Variants in ANKRD55 observed in about 807,000 individuals in gnomAD.
The protein encoded by ANKRD55 is ankyrin repeat domain-containing protein 55.
In ANKRD55, 41 loss-of-function variants were observed where a neutral mutation model predicts 60.6. The ratio of observed to expected loss-of-function variants is 0.68; its 90% CI spans 0.53 to 0.88. The LOEUF (loss-of-function observed/expected upper bound fraction) is 0.88. ANKRD55 is among the 40% of genes least tolerant of loss of function. The pLI, the probability that ANKRD55 is intolerant of heterozygous loss-of-function variation, is 0.00. For synonymous variants in ANKRD55, 264 were observed against 290.3 expected (o/e 0.91, Z 0.92); for missense variants, 732 against 767.6 (o/e 0.95, Z 0.55).
At chr5:56,188,238 G>A (rs1352150671) in intron 2 of ANKRD55, among the ~76,000 whole-genome samples, 1 of 152,036 alleles carries the variant, frequency 6.6e-6, no homozygotes, top group Non-Finnish European at 1.5e-5. Flanking sequence ...TGGGGTTGTC[G>A]AGAACAATAC....
intron 7 of ANKRD55, among the ~76,000 whole-genome samples, chr5:56,139,745 A>G (rs898530946): frequency 3.3e-5 from 5 of 152,182 alleles, no homozygotes; most frequent in African/African-American, 1.2e-4. Flanking sequence ...ATGTTAGTAC[A>G]TGTCTTTGTG....
Position 56,116,713 on chromosome 5 carries a change from C to T in ANKRD55, c.867G>A (p.Met289Ile). 1 of 1,614,038 alleles carries T rather than the reference C, an allele frequency of 6.2e-7. No homozygotes were observed. The change falls in exon 9 of 12, where the codon ATG (methionine) becomes ATA (isoleucine). Residue 289 changes from methionine to isoleucine, a missense_variant. Physicochemically the swap from Met to Ile is conservative, Grantham distance 10. Coordinates refer to ENST00000341048, the MANE Select transcript of ANKRD55 (RefSeq NM_024669.3). ...ECVQSLLELG[M>I]DSNLRDINES... ...CATTGATGTCCCGCAGGTTGCTGTCCATTCCCAACTCCAGCAGTGACTGGA... is the reference window on the plus strand; with the variant it reads ...CATTGATGTCCCGCAGGTTGCTGTCTATTCCCAACTCCAGCAGTGACTGGA...
intron 3 of ANKRD55, among the ~76,000 whole-genome samples, chr5:56,181,467 G>C (rs78275841): frequency 0.031 from 4,784 of 152,130 alleles, 269 homozygotes; most frequent in African/African-American, 0.11. Flanking sequence ...TAATTGATAT[G>C]AACATGTGAT....
chr5:56,206,733 C>T (rs1165547563), intron 2 of ANKRD55, among the ~76,000 whole-genome samples: 1 of 152,180 alleles, frequency 6.6e-6, no homozygotes, highest in Non-Finnish European at 1.5e-5. Context: ...TGGGTGGTGA[C>T]TAACCCAAAG....
intron 5 of ANKRD55, among the ~76,000 whole-genome samples, chr5:56,168,278 T>G (rs1327117847): frequency 1.3e-5 from 2 of 152,228 alleles, no homozygotes; most frequent in Non-Finnish European, 2.9e-5. Flanking sequence ...CACAGTTCAC[T>G]GTGGTTCAAA....
intron 5 of ANKRD55, among the ~76,000 whole-genome samples, chr5:56,168,997 C>T (rs1051071312): frequency 5.3e-5 from 8 of 152,234 alleles, no homozygotes; most frequent in African/African-American, 1.9e-4. Flanking sequence ...GCTGGGCTTA[C>T]AGGCACTCAC....
chr5:56,196,135 G>T (rs537345782), intron 2 of ANKRD55, among the ~76,000 whole-genome samples: 1 of 152,100 alleles, frequency 6.6e-6, no homozygotes, highest in Non-Finnish European at 1.5e-5. Context: ...TTGTAACCTT[G>T]AGCAATTTTA....
At chr5:56,118,454 T>A (rs1756941932) in intron 8 of ANKRD55, among the ~76,000 whole-genome samples, 1 of 151,934 alleles carries the variant, frequency 6.6e-6, no homozygotes, top group South Asian at 2.1e-4. Flanking sequence ...TGAAACCCCG[T>A]GTCTACTAAT....
chr5:56,178,396 C>G (rs890557141), intron 3 of ANKRD55, among the ~76,000 whole-genome samples: 3 of 151,380 alleles, frequency 2.0e-5, no homozygotes, highest in Non-Finnish European at 4.4e-5. Flanking sequence ...TGAGGTGTCT[C>G]TAACTGAGGT....
At chr5:56,212,006 A>C in intron 2 of ANKRD55, among the ~76,000 whole-genome samples, 1 of 151,844 alleles carries the variant, frequency 6.6e-6, no homozygotes. Context: ...AAAAAAGTAA[A>C]ATTTTTAAAA....
At chr5:56,210,560 C>CAAAA (rs59566826) in intron 2 of ANKRD55, among the ~76,000 whole-genome samples, 1,779 of 58,870 alleles carry the variant, frequency 0.03, 2 homozygotes, top group Non-Finnish European at 0.046. Flanking sequence ...GACTACGTCT[C>CAAAA]AAAAAAAAAA....
At chr5:56,230,189 A>G (rs1025483116) in intron 2 of ANKRD55, among the ~76,000 whole-genome samples, 1 of 152,042 alleles carries the variant, frequency 6.6e-6, no homozygotes, top group African/African-American at 2.4e-5. Context: ...TCCACCTCCC[A>G]GGTTCAAGCG....
intron 2 of ANKRD55, among the ~76,000 whole-genome samples, chr5:56,205,522 C>T (rs768561740): frequency 4.6e-5 from 7 of 152,268 alleles, no homozygotes; most frequent in Middle Eastern, 6.8e-3. Flanking sequence ...AGGTTCTGAC[C>T]AAACCCATCT....
Position 56,111,624 on chromosome 5 carries a change from G to T in ANKRD55, c.1124C>A (p.Thr375Asn), listed in dbSNP as rs1475948716. Residue 375 changes from threonine (T) to asparagine (N), a missense_variant, in exon 10 of 12, where the codon ACC becomes AAC. Physicochemically the swap from Thr to Asn is moderately conservative, Grantham distance 65. Transcript: ENST00000341048. ...GGTGATGATGTCATTGACTTCTGAG[G>T]TGTCCTCCTCTCTGTATCGGTCCCT... ...PSRDRYREED[T>N]SEVNDIITTF... The T allele has an allele frequency of 1.9e-6, 3 of 1,577,764 alleles. No individual in the cohort carries two copies. Among genetic ancestry groups the T allele is most frequent in the African/African-American group, 2.7e-5 (2 of 73,508 alleles).
At chr5:56,182,278 C>G (rs1758866126) in intron 3 of ANKRD55, among the ~76,000 whole-genome samples, 1 of 152,066 alleles carries the variant, frequency 6.6e-6, no homozygotes, top group Non-Finnish European at 1.5e-5. Context: ...AATTATAGGG[C>G]TCTTCAGATT....
rs563419479 is a variant in ANKRD55 at position 56,100,859 on chromosome 5, C to T, written c.1724-555G>A. Among the ~76,000 whole-genome samples the T allele has an allele frequency of 2.0e-5, 3 of 152,330 alleles. No homozygotes were observed. The South Asian group carries it at 6.2e-4, about 32-fold the overall frequency. The stretch of plus-strand genomic sequence containing the variant: ...CTCCAAGCTCCAACAGCATTCAAGA[C>T]TGAGTGGCTCTTTCCTTAACTAGAT... On this transcript the variant is annotated intron_variant, in intron 11 of 11. Coordinates refer to ENST00000341048, the MANE Select transcript of ANKRD55 (RefSeq NM_024669.3).
chr5:56,113,462 C>T (rs770888823), intron 9 of ANKRD55, among the ~76,000 whole-genome samples: 1 of 152,114 alleles, frequency 6.6e-6, no homozygotes, highest in Admixed American at 6.6e-5. Flanking sequence ...AAGAAGCACT[C>T]GTAAGCAATT....
At position 56,143,880 on chromosome 5, in the gene ANKRD55, G is replaced by A. The variant is rs1298028165; in HGVS notation, c.533C>T (p.Thr178Ile). The part of the protein sequence containing the change: ...WAAFHNQPQH[T>I]QMLLKKGADP... The stretch of plus-strand genomic sequence containing the variant: ...TGCCCCCTTCTTCAGCAGCATTTGT[G>A]TGTGTTGAGGCTGGTTGTGGAAAGC... Residue 178 changes from threonine to isoleucine, a missense_variant, in exon 7 of 12, where the codon ACA (threonine) becomes ATA (isoleucine). Transcript: ENST00000341048. The A allele has an allele frequency of 1.9e-6, 3 of 1,614,062 alleles. No individual in the cohort carries two copies. Among genetic ancestry groups the A allele is most frequent in the South Asian group, 2.2e-5 (2 of 91,084 alleles).
chr5:56,150,041 A>T (rs944612799), intron 6 of ANKRD55, among the ~76,000 whole-genome samples: 2 of 152,046 alleles, frequency 1.3e-5, no homozygotes, highest in Non-Finnish European at 2.9e-5. Flanking sequence ...GGGCGTCACC[A>T]TATTGGCCAG....
Sources: gnomAD v4.1 joint callset for allele counts (sites outside exome capture counted in the v4.1 genomes callset) on GRCh38, gnomAD v4.1.1 for gene constraint, MANE v1.5 for transcripts, NCBI Gene and HGNC (gene_info 2026-07-23, HGNC 2026-07-21) for gene names.